Variants in MAN2A1 observed in about 807,000 individuals in gnomAD.
MAN2A1 encodes alpha-mannosidase 2.
Under a neutral mutation model 142.6 loss-of-function variants are expected in MAN2A1, and 76 were observed. The ratio of observed to expected loss-of-function variants is 0.53; its 90% confidence interval spans 0.44 to 0.65. The LOEUF (loss-of-function observed/expected upper bound fraction) is 0.65. MAN2A1 is among the 30% of genes least tolerant of loss of function. The probability of loss-of-function intolerance (pLI) is 0.00; values close to 1 mark genes in which losing one functional copy is unlikely to be tolerated. For synonymous variants in MAN2A1, 559 were observed against 473.2 expected (o/e 1.18, Z -2.35); for missense variants, 1,311 against 1,365.1 (o/e 0.96, Z 0.62).
At chr5:109,695,891 TTCAGACA>T (rs1390679958) in intron 1 of MAN2A1, among the ~76,000 whole-genome samples, 2 of 152,206 alleles carry the variant, frequency 1.3e-5, no homozygotes, top group African/African-American at 4.8e-5. Flanking sequence ...CATTTTTAAA[TTCAGACA>T]GGTTTGAGGA....
Position 109,855,158 on chromosome 5 carries a change from G to T in MAN2A1, c.2995G>T (p.Val999Phe), listed in dbSNP as rs1366486457. 3 of 1,547,428 alleles carry T rather than the reference G, an allele frequency of 1.9e-6. No individual in the cohort carries two copies. Among genetic ancestry groups the T allele is most frequent in the East Asian group, 5.0e-5 (2 of 40,168 alleles). The change falls in exon 20 of 22, where the codon GTC becomes TTC. Residue 999 changes from valine to phenylalanine, a missense_variant. Coordinates refer to ENST00000261483, the MANE Select transcript of MAN2A1 (RefSeq NM_002372.4). ...TTGATAGGAAGAAGAAAAGAAGTCGGTCAGTTATCCTTCTCTCCTTAGCCA... is the reference window on the plus strand; with the variant it reads ...TTGATAGGAAGAAGAAAAGAAGTCGTTCAGTTATCCTTCTCTCCTTAGCCA... ...AVNTEEEKKS[V>F]SYPSLLSHIT...
At chr5:109,778,772 T>C (rs1753364680) in intron 8 of MAN2A1, among the ~76,000 whole-genome samples, 1 of 152,128 alleles carries the variant, frequency 6.6e-6, no homozygotes, top group Admixed American at 6.5e-5. Flanking sequence ...TTTATCTAGT[T>C]ATATCTGTTT....
Position 109,690,404 on chromosome 5 carries a change from G to C in MAN2A1, c.-14G>C. 1 of 1,614,020 alleles carries C rather than the reference G, an allele frequency of 6.2e-7. No individual in the cohort carries two copies. The highest frequency in any genetic ancestry group is 2.2e-5 in the East Asian group (1 of 44,878). On this transcript the variant is annotated 5_prime_UTR_variant, in exon 1 of 22. Coordinates refer to ENST00000261483, the MANE Select transcript of MAN2A1 (RefSeq NM_002372.4). ...GCTGAGGAGAGTGTCCTGGCCCCGA[G>C]TCTATCGAGGAAAATGAAGTTAAGC... is the stretch of plus-strand genomic sequence containing the variant.
chr5:109,779,329 A>G (rs1168395298), intron 8 of MAN2A1, among the ~76,000 whole-genome samples: 1 of 152,200 alleles, frequency 6.6e-6, no homozygotes, highest in Non-Finnish European at 1.5e-5. Context: ...CTAATTCTGT[A>G]GCATGCTATA....
At position 109,713,528 on chromosome 5, in the gene MAN2A1, C is replaced by G. The variant is rs1229206669; in HGVS notation, c.144C>G (p.Leu48=). The part of the protein sequence containing the change: ...RREGSFPQGQ[L]SMLQEKIDHL... The stretch of plus-strand genomic sequence containing the variant: ...TTTCTTTTTTATTGTAGGGCCAGCT[C>G]TCAATGTTGCAAGAAAAAATAGACC... Residue 48 remains leucine, a synonymous_variant, in exon 2 of 22, where the codon CTC becomes CTG. Coordinates refer to ENST00000261483, the MANE Select transcript of MAN2A1 (RefSeq NM_002372.4). 16 of 1,606,080 alleles carry G rather than the reference C, an allele frequency of 1.0e-5. No individual in the cohort carries two copies. The highest frequency in any genetic ancestry group is 1.4e-5 in the Non-Finnish European group (16 of 1,174,236).
rs770525276 is a variant in MAN2A1, at chr5:109,845,956, G to A, written c.2792G>A (p.Arg931His). The change falls in exon 18 of 22, where the codon CGT becomes CAT. Residue 931 changes from arginine (R) to histidine (H), a missense_variant. Coordinates refer to ENST00000261483, the MANE Select transcript of MAN2A1 (RefSeq NM_002372.4). ...TMAYIQDAKH[R>H]LTLLSAQSLG... Reference sequence around the variant, plus strand: ...GCCTATATCCAGGATGCCAAACATCGTTTGACACTGCTCTCTGCTCAGTCA... The same window carrying A: ...GCCTATATCCAGGATGCCAAACATCATTTGACACTGCTCTCTGCTCAGTCA... The A allele has an allele frequency of 1.2e-6, 2 of 1,613,584 alleles. No homozygotes were observed. Among genetic ancestry groups the A allele is most frequent in the Non-Finnish European group, 1.7e-6 (2 of 1,179,728 alleles).
chr5:109,798,880 G>T (rs1753937066), intron 12 of MAN2A1, among the ~76,000 whole-genome samples: 1 of 152,006 alleles, frequency 6.6e-6, no homozygotes, highest in South Asian at 2.1e-4. Context: ...TTTTAGTAGA[G>T]ACTGGGTTTC....
In MAN2A1 at chr5:109,816,073, G is replaced by A. The variant is rs953428192; in HGVS notation, c.1944-1200G>A. Reference sequence around the variant, plus strand: ...AGTCTGCAATGTGATGGTCTAGAACGTCTCTGCTCACAGGCAAAGCCATGA... The same window carrying A: ...AGTCTGCAATGTGATGGTCTAGAACATCTCTGCTCACAGGCAAAGCCATGA... On this transcript the variant is annotated intron_variant, in intron 12 of 21. Coordinates refer to ENST00000261483, the MANE Select transcript of MAN2A1 (RefSeq NM_002372.4). 3.9e-5 allele frequency among the ~76,000 whole-genome samples: 6 copies of A among 152,282 alleles called. No individual in the cohort carries two copies. In the South Asian group the frequency reaches 6.2e-4, roughly 16 times the overall value.
chr5:109,708,342 T>A (rs1195078251), intron 1 of MAN2A1, among the ~76,000 whole-genome samples: 1 of 152,076 alleles, frequency 6.6e-6, no homozygotes, highest in East Asian at 1.9e-4. Context: ...GGTGAGCAGA[T>A]GCTGATTGTA....
chr5:109,723,149 C>T (rs1466046602), intron 3 of MAN2A1, among the ~76,000 whole-genome samples: 3 of 152,090 alleles, frequency 2.0e-5, no homozygotes, highest in Non-Finnish European at 2.9e-5. Flanking sequence ...CGCCTGCTGT[C>T]CTAACAATAA....
chr5:109,756,037 T>A (rs918534051), intron 5 of MAN2A1, among the ~76,000 whole-genome samples: 2 of 152,052 alleles, frequency 1.3e-5, no homozygotes, highest in African/African-American at 2.4e-5. Flanking sequence ...TTGAGTCAGT[T>A]CCTTATGTCT....
intron 16 of MAN2A1, among the ~76,000 whole-genome samples, chr5:109,837,732 T>G (rs1262980014): frequency 6.6e-6 from 1 of 152,212 alleles, no homozygotes; most frequent in African/African-American, 2.4e-5. Context: ...TGTACATGTC[T>G]ACGTGCTGGG....
chr5:109,733,961 G>A (rs1752004182), intron 4 of MAN2A1, among the ~76,000 whole-genome samples: 1 of 152,046 alleles, frequency 6.6e-6, no homozygotes, highest in Non-Finnish European at 1.5e-5. Flanking sequence ...TTGTACTTCT[G>A]GTAGAATTCG....
intron 3 of MAN2A1, among the ~76,000 whole-genome samples, chr5:109,721,459 TTGTG>T (rs1010506783): frequency 6.6e-6 from 1 of 151,976 alleles, no homozygotes; most frequent in African/African-American, 2.4e-5. Flanking sequence ...TGTTTGTAGT[TTGTG>T]TGTGTGTGTT....
intron 20 of MAN2A1, chr5:109,862,446 G>A (rs1180073754): frequency 6.6e-6 from 1 of 152,196 alleles, no homozygotes; most frequent in Non-Finnish European, 1.5e-5. Context: ...AGCCTCGAAA[G>A]TGATCTAATC....
chr5:109,721,502 G>A (rs1751602654), intron 3 of MAN2A1, among the ~76,000 whole-genome samples: 2 of 152,226 alleles, frequency 1.3e-5, no homozygotes, highest in Non-Finnish European at 1.5e-5. Context: ...CATGCAGCAT[G>A]CTTATACTAA....
chr5:109,853,622 T>A (rs1440916111), intron 19 of MAN2A1: 3 of 152,176 alleles, frequency 2.0e-5, no homozygotes, highest in African/African-American at 7.2e-5. Context: ...CTTCCCAGAT[T>A]TGATGAGGGA....
At chr5:109,731,941 A>T (rs1183350724) in intron 4 of MAN2A1, among the ~76,000 whole-genome samples, 1 of 150,880 alleles carries the variant, frequency 6.6e-6, no homozygotes, top group African/African-American at 2.5e-5. Flanking sequence ...CGCCACACTG[A>T]CTTCCACGAT....
chr5:109,759,107 G>GA (rs1375348236), intron 5 of MAN2A1, among the ~76,000 whole-genome samples: 1 of 152,042 alleles, frequency 6.6e-6, no homozygotes, highest in Admixed American at 6.6e-5. Flanking sequence ...ATATCAGCTA[G>GA]AATTTTGCTA....
Sources: allele counts gnomAD v4.1 joint callset (sites outside exome capture counted in the v4.1 genomes callset), GRCh38; gene constraint gnomAD v4.1.1; transcripts MANE v1.5; gene names NCBI Gene and HGNC (gene_info 2026-07-23, HGNC 2026-07-21).